Variants in SORCS1 observed in about 807,000 individuals in gnomAD.
SORCS1 encodes VPS10 domain-containing receptor SorCS1.
In SORCS1, 60 loss-of-function variants were observed where a neutral mutation model predicts 146.1. The observed-to-expected ratio is 0.41, with a 90% CI of 0.33 to 0.51. The LOEUF is 0.51. SORCS1 is among the 20% of genes least tolerant of loss of function. The probability of loss-of-function intolerance (pLI) is 0.21; values close to 1 mark genes in which losing one functional copy is unlikely to be tolerated. For synonymous variants in SORCS1, 637 were observed against 584.0 expected, an observed-to-expected ratio of 1.09 and a Z score of -1.31; for missense variants, 1,352 against 1,487.6, an observed-to-expected ratio of 0.91 and a Z score of 1.50.
intron 2 of SORCS1, among the ~76,000 whole-genome samples, chr10:106,837,585 T>C (rs1341465597): frequency 6.7e-6 from 1 of 149,984 alleles, no homozygotes; most frequent in Non-Finnish European, 1.5e-5. Flanking sequence ...CCCAATAACA[T>C]CACTATCTAG....
At chr10:107,140,107 CT>C (rs1295856362) in intron 1 of SORCS1, among the ~76,000 whole-genome samples, 1 of 152,222 alleles carries the variant, frequency 6.6e-6, no homozygotes, top group Non-Finnish European at 1.5e-5. Flanking sequence ...TAATCTCCAT[CT>C]TGACCTCACA....
chr10:106,881,761 G>T (rs1292339609), intron 2 of SORCS1, among the ~76,000 whole-genome samples: 1 of 152,204 alleles, frequency 6.6e-6, no homozygotes, highest in Non-Finnish European at 1.5e-5. Context: ...TTTTAGAATA[G>T]ATTTCTTACC....
intron 2 of SORCS1, among the ~76,000 whole-genome samples, chr10:106,912,697 T>C (rs1952224250): frequency 6.6e-6 from 1 of 152,102 alleles, no homozygotes; most frequent in Non-Finnish European, 1.5e-5. Context: ...GTTTTGTTTT[T>C]TAATGGAGTC....
intron 2 of SORCS1, among the ~76,000 whole-genome samples, chr10:106,850,250 G>T (rs12245361): frequency 0.43 from 65,196 of 151,510 alleles, 14,167 homozygotes; most frequent in African/African-American, 0.49. Flanking sequence ...TCCGTGGGTG[G>T]AGGACCCTCC....
At chr10:106,697,874 T>C (rs945410224) in intron 9 of SORCS1, among the ~76,000 whole-genome samples, 1 of 152,174 alleles carries the variant, frequency 6.6e-6, no homozygotes, top group Non-Finnish European at 1.5e-5. Context: ...TTATTCAACA[T>C]GAAGATGAAA....
At chr10:107,071,801 C>A (rs1404299784) in intron 1 of SORCS1, among the ~76,000 whole-genome samples, 1 of 152,104 alleles carries the variant, frequency 6.6e-6, no homozygotes, top group Non-Finnish European at 1.5e-5. Context: ...GAATTGTTAA[C>A]TATTATACTA....
chr10:106,817,375 T>C (rs544169981), intron 3 of SORCS1, among the ~76,000 whole-genome samples: 1 of 152,130 alleles, frequency 6.6e-6, no homozygotes, highest in Non-Finnish European at 1.5e-5. Flanking sequence ...TTTTAGAAAG[T>C]AGTAGAGAAA....
chr10:106,661,934 G>A (rs189810911), intron 17 of SORCS1, among the ~76,000 whole-genome samples: 1 of 152,350 alleles, frequency 6.6e-6, no homozygotes, highest in Non-Finnish European at 1.5e-5. Context: ...GAGGCAGGGA[G>A]CCAATCGTGG....
intron 2 of SORCS1, among the ~76,000 whole-genome samples, chr10:106,842,150 T>A (rs560392693): frequency 3.3e-5 from 5 of 152,336 alleles, no homozygotes; most frequent in African/African-American, 9.6e-5. Flanking sequence ...TCATTTTTTT[T>A]ATTTGTAATT....
chr10:106,894,381 T>A lies in SORCS1; in HGVS notation c.626+62132A>T, dbSNP rs1002054534. Among the ~76,000 whole-genome samples, 5 of 151,974 alleles carry A rather than the reference T, an allele frequency of 3.3e-5. 1 individual carries two copies. Among genetic ancestry groups the A allele is most frequent in the South Asian group, 4.2e-4 (2 of 4,814 alleles). ...CTGTTACATGTTCTGGGTAGAAAAC[T>A]TTTTTTTCTTTTTTTAAAGACATTA... On this transcript the variant is annotated intron_variant, in intron 2 of 25. Transcript: ENST00000263054.
At position 106,573,882 on chromosome 10, in the gene SORCS1, A is replaced by G. The variant is rs1035611049; in HGVS notation, c.*3538T>C. 3.1e-4 allele frequency: 47 copies of G among 152,708 alleles called. No individual in the cohort carries two copies. Among genetic ancestry groups the G allele is most frequent in the African/African-American group, 1.1e-3 (45 of 41,548 alleles). The allele number at this position is 152,708 out of a possible 1,614,324, so 9.5% of individuals were successfully genotyped here. ...GAACACCAAGGGTTTAGGATTAAAA[A>G]AAAAAATACCTGAGGCAAAGACTTT... On this transcript the variant is annotated 3_prime_UTR_variant, in exon 26 of 26. Transcript: ENST00000263054.
intron 8 of SORCS1, among the ~76,000 whole-genome samples, chr10:106,705,653 A>G (rs1436440880): frequency 1.3e-5 from 2 of 152,208 alleles, no homozygotes; most frequent in African/African-American, 2.4e-5. Context: ...CCCTTGCTCT[A>G]AGATTAAGGC....
intron 1 of SORCS1, among the ~76,000 whole-genome samples, chr10:107,069,297 T>C (rs776383905): frequency 7.2e-5 from 11 of 152,236 alleles, no homozygotes; most frequent in Non-Finnish European, 1.6e-4. Flanking sequence ...TTCACCTCTA[T>C]TATTTCCATA....
intron 1 of SORCS1, among the ~76,000 whole-genome samples, chr10:107,046,569 G>C (rs1276433417): frequency 6.6e-6 from 1 of 152,110 alleles, no homozygotes; most frequent in East Asian, 1.9e-4. Context: ...GGATGGGTGA[G>C]AAAATGCAGA....
intron 1 of SORCS1, 24 bp from the exon 2 acceptor site, chr10:106,956,604 G>A (rs747987589): frequency 1.2e-6 from 2 of 1,607,458 alleles, no homozygotes; most frequent in Non-Finnish European, 8.5e-7. Flanking sequence ...AAGAAATCAT[G>A]GTTAGTCTCA....
intron 19 of SORCS1, among the ~76,000 whole-genome samples, chr10:106,628,239 C>T (rs1257040500): frequency 6.6e-6 from 1 of 152,160 alleles, no homozygotes; most frequent in Admixed American, 6.5e-5. Context: ...TTTTTGTCAT[C>T]CCCTAATAGT....
At chr10:106,616,948 CTTTCTTT>C (rs1277257360) in intron 21 of SORCS1, among the ~76,000 whole-genome samples, 2 of 145,256 alleles carry the variant, frequency 1.4e-5, no homozygotes, top group African/African-American at 5.0e-5. Flanking sequence ...CTCTCTTGCT[CTTTCTTT>C]TTTTTTTTTT....
chr10:106,580,113 A>G (rs191366296), intron 24 of SORCS1, among the ~76,000 whole-genome samples: 1 of 152,264 alleles, frequency 6.6e-6, no homozygotes, highest in East Asian at 1.9e-4. Flanking sequence ...GAAAGTTGTC[A>G]TACGTGAGAG....
chr10:106,854,894 G>GT (rs1949724876), intron 2 of SORCS1, among the ~76,000 whole-genome samples: 1 of 152,120 alleles, frequency 6.6e-6, no homozygotes, highest in African/African-American at 2.4e-5. Flanking sequence ...GAAGAAAGTG[G>GT]TATCTGTGAG....
Sources: allele counts gnomAD v4.1 joint callset (sites outside exome capture counted in the v4.1 genomes callset), GRCh38; gene constraint gnomAD v4.1.1; transcripts MANE v1.5; gene names NCBI Gene and HGNC (gene_info 2026-07-23, HGNC 2026-07-21).